Variants in DYM observed in about 807,000 individuals in gnomAD.
DYM encodes dyggve-Melchior-Clausen syndrome protein.
A neutral mutation model predicts 93.1 loss-of-function variants in DYM; 78 were observed. The observed-to-expected ratio is 0.84, with a 90% confidence interval of 0.70 to 1.01. The LOEUF (loss-of-function observed/expected upper bound fraction) is 1.01. Among genes scored for constraint, DYM ranks in the 50% least tolerant of loss-of-function variants. The probability of loss-of-function intolerance (pLI) is 0.00; values close to 1 mark genes in which losing one functional copy is unlikely to be tolerated. For missense variants in DYM, 789 were observed against 845.0 expected (o/e 0.93, Z 0.82); for synonymous variants, 321 against 319.7 (o/e 1.00, Z -0.04).
chr18:49,044,739 A>C (rs1349021143), intron 17 of DYM, among the ~76,000 whole-genome samples: 1 of 152,258 alleles, frequency 6.6e-6, no homozygotes, highest in Admixed American at 6.5e-5. Context: ...TTTCTTGGCC[A>C]TAGCTTGGCC....
intron 17 of DYM, among the ~76,000 whole-genome samples, chr18:49,053,906 C>T (rs981333771): frequency 2.0e-5 from 3 of 152,160 alleles, no homozygotes; most frequent in East Asian, 3.9e-4. Flanking sequence ...CGTCAGTTAG[C>T]GGGAGGAAAC....
intron 6 of DYM, among the ~76,000 whole-genome samples, chr18:49,357,679 G>T (rs2065683076): frequency 1.3e-5 from 2 of 152,180 alleles, no homozygotes; most frequent in South Asian, 4.1e-4. Context: ...ACTCAGTAAA[G>T]AAATATTTGA....
At chr18:49,365,428 AT>A (rs2066432675) in intron 5 of DYM, among the ~76,000 whole-genome samples, 1 of 152,196 alleles carries the variant, frequency 6.6e-6, no homozygotes, top group Non-Finnish European at 1.5e-5. Flanking sequence ...AGAAAAAAAA[AT>A]AAAAGAGTAA....
At chr18:49,121,352 A>T (rs2146037724) in intron 15 of DYM, among the ~76,000 whole-genome samples, 1 of 152,294 alleles carries the variant, frequency 6.6e-6, no homozygotes, top group African/African-American at 2.4e-5. Context: ...CTAACCCTAC[A>T]AAGAGAAAAA....
chr18:49,435,738 G>A (rs918162070), intron 1 of DYM, among the ~76,000 whole-genome samples: 10 of 152,088 alleles, frequency 6.6e-5, no homozygotes, highest in Middle Eastern at 3.2e-3. Context: ...GCAGTGAACC[G>A]AGATCGTGCC....
At chr18:49,107,578 G>A (rs940327639) in intron 16 of DYM, among the ~76,000 whole-genome samples, 10 of 152,110 alleles carry the variant, frequency 6.6e-5, no homozygotes, top group Admixed American at 6.5e-4. Flanking sequence ...GTACAGATGG[G>A]GTTTTGGTGT....
chr18:49,358,240 A>G (rs2065734631), intron 6 of DYM, among the ~76,000 whole-genome samples: 1 of 152,234 alleles, frequency 6.6e-6, no homozygotes, highest in Non-Finnish European at 1.5e-5. Flanking sequence ...AAGCTACTCT[A>G]TAGGGTAGTC....
intron 1 of DYM, among the ~76,000 whole-genome samples, chr18:49,438,555 C>T (rs907304457): frequency 2.0e-5 from 3 of 151,974 alleles, no homozygotes; most frequent in East Asian, 1.9e-4. Flanking sequence ...ACAGGAACTC[C>T]GGCACAAAAG....
intron 2 of DYM, among the ~76,000 whole-genome samples, chr18:49,395,722 T>A (rs1408796731): frequency 6.6e-6 from 1 of 151,632 alleles, no homozygotes; most frequent in Non-Finnish European, 1.5e-5. Flanking sequence ...AAAACCACAA[T>A]GAGATATCAC....
At chr18:49,413,025 T>C (rs1049461173) in intron 2 of DYM, 17 of 152,236 alleles carry the variant, frequency 1.1e-4, no homozygotes, top group African/African-American at 3.9e-4. Context: ...GATTATGATC[T>C]GCAGCTTTGA....
intron 17 of DYM, among the ~76,000 whole-genome samples, chr18:49,060,835 G>C (rs1217121993): frequency 6.6e-6 from 1 of 151,990 alleles, no homozygotes; most frequent in Non-Finnish European, 1.5e-5. Context: ...GGGGATGCTG[G>C]CAAGATAGTT....
Position 49,036,407 on chromosome 18 carries a change from TTAA to T in DYM, c.*7645_*7647del, listed in dbSNP as rs1202449550. Among the ~76,000 whole-genome samples, 5 of 152,136 alleles carry T rather than the reference TTAA, an allele frequency of 3.3e-5. No individual in the cohort carries two copies. Reference sequence around the variant, plus strand: ...TTTTATGCAAAATCTAAAAACAACTTTAATGAGGCATACTTAATATATAAAACT... The same window carrying T: ...TTTTATGCAAAATCTAAAAACAACTTTGAGGCATACTTAATATATAAAACT... On this transcript the variant is annotated 3_prime_UTR_variant, in exon 18 of 18. Coordinates refer to ENST00000675505, the MANE Select transcript of DYM (RefSeq NM_001353214.3).
At chr18:49,113,399 T>C (rs2081610441) in intron 16 of DYM, among the ~76,000 whole-genome samples, 1 of 152,226 alleles carries the variant, frequency 6.6e-6, no homozygotes, top group South Asian at 2.1e-4. Flanking sequence ...TATCACCTTA[T>C]GTTTTAGATG....
chr18:49,270,983 A>G (rs1281279278), intron 11 of DYM, among the ~76,000 whole-genome samples: 1 of 152,160 alleles, frequency 6.6e-6, no homozygotes, highest in Non-Finnish European at 1.5e-5. Context: ...GCCTGCAGGG[A>G]CACAGTCCCA....
chr18:49,251,010 T>C (rs1210907096), intron 13 of DYM, among the ~76,000 whole-genome samples: 1 of 152,202 alleles, frequency 6.6e-6, no homozygotes, highest in African/African-American at 2.4e-5. Context: ...TTGTAGAATG[T>C]TTAGCAACAT....
At chr18:49,155,076 A>T (rs948561218) in intron 15 of DYM, among the ~76,000 whole-genome samples, 2 of 152,194 alleles carry the variant, frequency 1.3e-5, no homozygotes, top group African/African-American at 4.8e-5. Context: ...ACTTTATTTA[A>T]TAAGTCCCTT....
intron 17 of DYM, among the ~76,000 whole-genome samples, chr18:49,070,311 G>T (rs1019644267): frequency 6.6e-6 from 1 of 152,194 alleles, no homozygotes; most frequent in African/African-American, 2.4e-5. Flanking sequence ...ACTATTCCAG[G>T]ATGTAGGTAA....
intron 17 of DYM, among the ~76,000 whole-genome samples, chr18:49,071,164 T>G (rs1039559630): frequency 6.6e-6 from 1 of 152,208 alleles, no homozygotes; most frequent in Non-Finnish European, 1.5e-5. Context: ...AGGAAAAATG[T>G]TGAATGCATG....
At chr18:49,151,555 C>G (rs1332333038) in intron 15 of DYM, among the ~76,000 whole-genome samples, 1 of 152,164 alleles carries the variant, frequency 6.6e-6, no homozygotes, top group Non-Finnish European at 1.5e-5. Flanking sequence ...TTTTGTAATA[C>G]TGCTTTTTAA....
Sources: gnomAD v4.1 joint callset for allele counts (sites outside exome capture counted in the v4.1 genomes callset) on GRCh38, gnomAD v4.1.1 for gene constraint, MANE v1.5 for transcripts, NCBI Gene and HGNC (gene_info 2026-07-23, HGNC 2026-07-21) for gene names.